Variants in VCL observed in about 807,000 individuals in gnomAD.
VCL encodes epididymis luminal protein 114.
In VCL, 47 loss-of-function variants were observed where a neutral mutation model predicts 125.7. That is an observed-to-expected ratio of 0.37 (90% CI 0.30 to 0.48). VCL has a LOEUF of 0.48. Among genes scored for constraint, VCL ranks in the 20% least tolerant of loss-of-function variants. The probability of loss-of-function intolerance (pLI) is 0.99; values close to 1 mark genes in which losing one functional copy is unlikely to be tolerated. For synonymous variants in VCL, 458 were observed against 514.6 expected (o/e 0.89, Z 1.49); for missense variants, 1,069 against 1,455.5 (o/e 0.73, Z 4.32).
At chr10:74,107,840 C>A (rs779067841) in intron 17 of VCL, among the ~76,000 whole-genome samples, 6 of 151,966 alleles carry the variant, frequency 3.9e-5, no homozygotes, top group Non-Finnish European at 8.8e-5. Flanking sequence ...AATTTAAGAT[C>A]TTTAGATACC....
intron 2 of VCL, among the ~76,000 whole-genome samples, chr10:74,052,377 T>G (rs894448633): frequency 4.8e-4 from 70 of 147,026 alleles, no homozygotes; most frequent in African/African-American, 1.5e-3. Context: ...TCAGTTAGTT[T>G]TTTTTTTTTT....
At chr10:74,032,521 A>T (rs913154381) in intron 1 of VCL, among the ~76,000 whole-genome samples, 7 of 151,632 alleles carry the variant, frequency 4.6e-5, no homozygotes, top group Non-Finnish European at 7.4e-5. Flanking sequence ...AACATGATGA[A>T]ACCCTGTCTC....
At chr10:74,061,500 A>AGTTTT (rs1841478303) in intron 2 of VCL, among the ~76,000 whole-genome samples, 2 of 152,152 alleles carry the variant, frequency 1.3e-5, no homozygotes, top group Non-Finnish European at 2.9e-5. Flanking sequence ...TTATACAGTA[A>AGTTTT]CTGGATTTCA....
At chr10:74,030,205 C>T (rs778523714) in intron 1 of VCL, among the ~76,000 whole-genome samples, 16 of 152,268 alleles carry the variant, frequency 1.1e-4, no homozygotes, top group Non-Finnish European at 1.3e-4. Context: ...TGGAAAATGC[C>T]GGCCCTAACT....
intron 2 of VCL, among the ~76,000 whole-genome samples, chr10:74,051,349 G>A (rs1333043302): frequency 1.3e-5 from 2 of 152,094 alleles, no homozygotes; most frequent in South Asian, 2.1e-4. Context: ...CAATTCTCCC[G>A]CCTCAGCTTC....
intron 6 of VCL, chr10:74,077,448 C>A (rs74146319): frequency 0.054 from 9,683 of 180,284 alleles, 1,045 homozygotes; most frequent in African/African-American, 0.22. Context: ...TATTGGTTAT[C>A]AAAATAGAAA....
In VCL at chr10:74,101,122, C is replaced by T. The variant is rs375304891; in HGVS notation, c.2022+25C>T. On this transcript the variant is annotated intron_variant, in intron 14 of 21. Transcript: ENST00000211998. ...GGTTGGGTTTTGCTCATTCCTCATA[C>T]AGTGTTCAGTAAAGAAAGTTAATTA... 6 of 1,609,250 alleles carry T rather than the reference C, an allele frequency of 3.7e-6. No homozygotes were observed. The African/African-American group carries it at 6.7e-5, about 18-fold the overall frequency.
chr10:74,074,577 G>T (rs1004069334), intron 5 of VCL, among the ~76,000 whole-genome samples, 166 bp from the exon 6 acceptor site: 8 of 152,024 alleles, frequency 5.3e-5, no homozygotes, highest in Non-Finnish European at 1.0e-4. Context: ...TACAATAAAG[G>T]TTGTTAATGT....
chr10:74,112,207 T>C, intron 19 of VCL, 95 bp downstream of exon 19: 2 of 1,514,592 alleles, frequency 1.3e-6, no homozygotes, highest in Non-Finnish European at 1.8e-6. Context: ...GTGCTGGTCC[T>C]GTGAGTCTGA....
intron 17 of VCL, 28 bp downstream of exon 17, chr10:74,107,382 T>C (rs1275266413): frequency 1.9e-6 from 3 of 1,614,032 alleles, no homozygotes; most frequent in Non-Finnish European, 2.5e-6. Flanking sequence ...TGCAGAGAAT[T>C]GAGCAGGAAG....
chr10:74,007,526 C>T (rs146840044), intron 1 of VCL, among the ~76,000 whole-genome samples: 62 of 151,600 alleles, frequency 4.1e-4, no homozygotes, highest in Non-Finnish European at 8.1e-4. Context: ...GACGGAGTTT[C>T]GCTCTGTTGC....
intron 1 of VCL, among the ~76,000 whole-genome samples, chr10:74,022,799 G>A (rs1030651454): frequency 6.6e-6 from 1 of 151,566 alleles, no homozygotes; most frequent in African/African-American, 2.4e-5. Context: ...ACCACACCCG[G>A]CTAAATTTTT....
chr10:74,017,375 C>T (rs904965763), intron 1 of VCL, among the ~76,000 whole-genome samples: 2 of 152,054 alleles, frequency 1.3e-5, no homozygotes, highest in African/African-American at 4.8e-5. Context: ...GAATTATATT[C>T]CATTGTATGT....
rs1453119130 is a variant in VCL, at chr10:74,071,497, C to T, written c.499+414C>T. 6.6e-6 allele frequency among the ~76,000 whole-genome samples: 1 copy of T among 152,174 alleles called. No individual in the cohort carries two copies. Among genetic ancestry groups the T allele is most frequent in the East Asian group, 1.9e-4 (1 of 5,192 alleles). On this transcript the variant is annotated intron_variant, in intron 4 of 21. Transcript: ENST00000211998. The surrounding 1 kb of genome is among the most constrained non-coding windows in gnomAD (Gnocchi z 4.1). ...GCCTGCCTACTATTATGGATTCATGCCCTCACCCAAGGCTGCATAATATAA... is the reference window on the plus strand; with the variant it reads ...GCCTGCCTACTATTATGGATTCATGTCCTCACCCAAGGCTGCATAATATAA...
At chr10:74,055,384 A>G (rs892444948) in intron 2 of VCL, among the ~76,000 whole-genome samples, 2 of 151,998 alleles carry the variant, frequency 1.3e-5, no homozygotes, top group East Asian at 3.9e-4. Context: ...TTGCTATGTC[A>G]CCTAGGCTGG....
At chr10:74,095,980 A>G (rs1839962519) in intron 12 of VCL, 125 bp downstream of exon 12, 1 of 1,181,076 alleles carries the variant, frequency 8.5e-7, no homozygotes, top group South Asian at 1.4e-5. Context: ...AAAGAGTGTG[A>G]CCAAAGATAT....
chr10:74,010,997 C>G (rs374810533), intron 1 of VCL, among the ~76,000 whole-genome samples: 1 of 151,696 alleles, frequency 6.6e-6, no homozygotes, highest in Admixed American at 6.6e-5. Context: ...TGGCGAAACC[C>G]CATCTCTACT....
intron 1 of VCL, among the ~76,000 whole-genome samples, chr10:74,041,787 C>G (rs776684881): frequency 6.6e-6 from 1 of 152,102 alleles, no homozygotes; most frequent in East Asian, 1.9e-4. Flanking sequence ...CCTGTAGTCC[C>G]AGCTACTTGG....
In VCL at chr10:74,009,853, C is replaced by A. The variant is rs191906945; in HGVS notation, c.168+11478C>A. On this transcript the variant is annotated intron_variant, in intron 1 of 21. Coordinates refer to ENST00000211998, the MANE Select transcript of VCL (RefSeq NM_014000.3). ...TGAACTCCTGACCTCAAATGAACCA[C>A]CCCCTCGGCCTCCCAAAGTGTTGGG... Among the ~76,000 whole-genome samples, 875 of 152,102 alleles carry A rather than the reference C, an allele frequency of 5.8e-3. 10 individuals are homozygous for A. The highest frequency in any genetic ancestry group is 0.019 in the African/African-American group (802 of 41,450).
Sources: allele counts gnomAD v4.1 joint callset (sites outside exome capture counted in the v4.1 genomes callset), GRCh38; gene constraint gnomAD v4.1.1; non-coding constraint Gnocchi (gnomAD v3.1); transcripts MANE v1.5; gene names NCBI Gene and HGNC (gene_info 2026-07-23, HGNC 2026-07-21).